Variants in FTO observed in about 807,000 individuals in gnomAD.
FTO encodes the protein FTO alpha-ketoglutarate dependent dioxygenase.
A neutral mutation model predicts 63.9 loss-of-function variants in FTO; 47 were observed. The observed-to-expected ratio is 0.74, with a 90% CI of 0.58 to 0.94. The LOEUF (loss-of-function observed/expected upper bound fraction) is 0.94, where lower values mean the gene tolerates loss of function less well. FTO is among the 40% of genes least tolerant of loss of function. FTO has a pLI of 0.00. For synonymous variants in FTO, 207 were observed against 224.4 expected, an observed-to-expected ratio of 0.92 and a Z score of 0.69; for missense variants, 562 against 618.1, an observed-to-expected ratio of 0.91 and a Z score of 0.96.
chr16:53,900,896 G>A (rs896276433), intron 7 of FTO, among the ~76,000 whole-genome samples: 2 of 152,110 alleles, frequency 1.3e-5, no homozygotes, highest in African/African-American at 4.8e-5. Flanking sequence ...TGTGAGTCCA[G>A]CAGCTAGAGA....
chr16:54,039,420 A>G (rs1191978545), intron 8 of FTO: 1 of 152,236 alleles, frequency 6.6e-6, no homozygotes, highest in Non-Finnish European at 1.5e-5. Context: ...TCAAGAAGGA[A>G]ACATAGGGAT....
intron 1 of FTO, among the ~76,000 whole-genome samples, chr16:53,778,985 G>C (rs932276100): frequency 6.6e-6 from 1 of 151,812 alleles, no homozygotes; most frequent in Non-Finnish European, 1.5e-5. Context: ...ATTAAGGAAA[G>C]CCTTCTCTAA....
intron 1 of FTO, among the ~76,000 whole-genome samples, chr16:53,787,842 G>T (rs550472386): frequency 6.6e-6 from 1 of 152,180 alleles, no homozygotes; most frequent in African/African-American, 2.4e-5. Flanking sequence ...AGGTTCCGAC[G>T]AGTCAAAGAC....
intron 8 of FTO, among the ~76,000 whole-genome samples, chr16:54,096,891 A>T (rs1028072104): frequency 6.6e-6 from 1 of 152,150 alleles, no homozygotes; most frequent in Non-Finnish European, 1.5e-5. Flanking sequence ...GACTTTTAGG[A>T]GGACACAGAC....
At chr16:54,034,016 C>T (rs1328775403) in intron 8 of FTO, 2 of 152,156 alleles carry the variant, frequency 1.3e-5, no homozygotes, top group Non-Finnish European at 2.9e-5. Context: ...GTAAGTATCA[C>T]TTCTGAGGGT....
intron 8 of FTO, among the ~76,000 whole-genome samples, chr16:53,936,911 T>C (rs1264079506): frequency 6.6e-6 from 1 of 152,222 alleles, no homozygotes; most frequent in African/African-American, 2.4e-5. Flanking sequence ...TTACCTCTCT[T>C]TAGCAGGTTC....
At chr16:54,104,387 G>C (rs548415775) in intron 8 of FTO, among the ~76,000 whole-genome samples, 1 of 148,940 alleles carries the variant, frequency 6.7e-6, no homozygotes, top group Non-Finnish European at 1.5e-5. Context: ...ATCTCGGCTC[G>C]CTGCAATCTC....
intron 7 of FTO, among the ~76,000 whole-genome samples, chr16:53,915,748 C>A (rs930030371): frequency 6.6e-6 from 1 of 152,214 alleles, no homozygotes. Flanking sequence ...CCTGCTCAGT[C>A]TCATGGAGAC....
intron 7 of FTO, among the ~76,000 whole-genome samples, chr16:53,890,354 G>A (rs550475345): frequency 6.6e-6 from 1 of 152,182 alleles, no homozygotes; most frequent in South Asian, 2.1e-4. Flanking sequence ...AACCATCACA[G>A]CAGTCTATGC....
chr16:53,861,677 G>A lies in FTO; in HGVS notation c.896-12109G>A, dbSNP rs969670803. 5.3e-5 allele frequency among the ~76,000 whole-genome samples: 8 copies of A among 151,584 alleles called. No individual in the cohort carries two copies. In the East Asian group the frequency reaches 7.7e-4, roughly 15 times the overall value. On this transcript the variant is annotated intron_variant, in intron 4 of 8. Transcript: ENST00000471389. ...ACATCTTTCCATTTAAGTCTTAATCGCAATAGTTGCATTAAATTAAATAAC... is the reference window on the plus strand; with the variant it reads ...ACATCTTTCCATTTAAGTCTTAATCACAATAGTTGCATTAAATTAAATAAC...
At chr16:53,936,269 C>T (rs534490405) in intron 8 of FTO, among the ~76,000 whole-genome samples, 1 of 152,302 alleles carries the variant, frequency 6.6e-6, no homozygotes, top group South Asian at 2.1e-4. Flanking sequence ...TGCAGACCCC[C>T]TTAAAACTAA....
chr16:54,109,426 G>A (rs1346223183), intron 8 of FTO, among the ~76,000 whole-genome samples: 3 of 152,174 alleles, frequency 2.0e-5, no homozygotes, highest in Admixed American at 2.0e-4. Flanking sequence ...CGCCTCCTGG[G>A]TCCAAGTGAT....
chr16:54,097,087 G>T (rs1169215944), intron 8 of FTO, among the ~76,000 whole-genome samples: 3 of 152,156 alleles, frequency 2.0e-5, no homozygotes, highest in African/African-American at 7.2e-5. Flanking sequence ...AATGCATATG[G>T]ACGTAAGCCA....
chr16:53,760,241 TG>T (rs2077032417), intron 1 of FTO, among the ~76,000 whole-genome samples: 2 of 14,306 alleles, frequency 1.4e-4, no homozygotes, highest in Non-Finnish European at 2.8e-4. Context: ...TGTGTGTGTG[TG>T]TGTGTGTGTG....
intron 4 of FTO, among the ~76,000 whole-genome samples, chr16:53,870,897 GTCTT>G (rs975930281): frequency 5.3e-5 from 8 of 152,020 alleles, no homozygotes; most frequent in Non-Finnish European, 1.2e-4. Context: ...TTTCTGAAAA[GTCTT>G]TATTTCACTT....
chr16:53,833,489 G>A (rs566810301), intron 3 of FTO, among the ~76,000 whole-genome samples: 2 of 152,326 alleles, frequency 1.3e-5, no homozygotes, highest in Admixed American at 6.5e-5. Context: ...GGTGGATAAA[G>A]TTGCTGTGAA....
At position 53,870,615 on chromosome 16, in the gene FTO, A is replaced by G. The variant is rs138216389; in HGVS notation, c.896-3171A>G. 1.5e-3 allele frequency among the ~76,000 whole-genome samples: 236 copies of G among 152,272 alleles called. 1 individual carries two copies. The highest frequency in any genetic ancestry group is 5.3e-3 in the African/African-American group (222 of 41,558). ...ATCTTTACATCTTTGATTTACCACA[A>G]TGTAACTTTGAATGTTGTACCACTT... On this transcript the variant is annotated intron_variant, in intron 4 of 8. Coordinates refer to ENST00000471389, the MANE Select transcript of FTO (RefSeq NM_001080432.3).
intron 7 of FTO, among the ~76,000 whole-genome samples, chr16:53,913,897 G>A (rs2081782709): frequency 6.6e-6 from 1 of 151,816 alleles, no homozygotes; most frequent in Non-Finnish European, 1.5e-5. Context: ...GAGAATTGCT[G>A]GAACCCTGGG....
intron 8 of FTO, among the ~76,000 whole-genome samples, chr16:54,096,242 A>C (rs2086514233): frequency 6.6e-6 from 1 of 152,226 alleles, no homozygotes; most frequent in Non-Finnish European, 1.5e-5. Flanking sequence ...GGACAAAGCA[A>C]TGTTAGTTTC....
Sources: allele counts gnomAD v4.1 joint callset (sites outside exome capture counted in the v4.1 genomes callset), GRCh38; gene constraint gnomAD v4.1.1; transcripts MANE v1.5; gene names NCBI Gene and HGNC (gene_info 2026-07-23, HGNC 2026-07-21).